Variants in XYLT1 observed in about 807,000 individuals in gnomAD.
XYLT1 encodes the protein xylosyltransferase 1.
In XYLT1, 36 loss-of-function variants were observed where a neutral mutation model predicts 91.3. The ratio of observed to expected loss-of-function variants is 0.39; its 90% confidence interval spans 0.30 to 0.52. The LOEUF (loss-of-function observed/expected upper bound fraction) is 0.52, where lower values mean the gene tolerates loss of function less well. XYLT1 is among the 20% of genes least tolerant of loss of function. The pLI is 0.68. For missense variants in XYLT1, 1,242 were observed against 1,284.5 expected, an observed-to-expected ratio of 0.97 and a Z score of 0.51; for synonymous variants, 588 against 532.0, an observed-to-expected ratio of 1.11 and a Z score of -1.45.
At position 17,460,106 on chromosome 16, in the gene XYLT1, GAC is replaced by G. The variant is rs1256782563; in HGVS notation, c.363+10326_363+10327del. On this transcript the variant is annotated intron_variant, in intron 1 of 11. Transcript: ENST00000261381. ...GCATCATCTGATGAAGTGCCAAAAAGACACAGAGATGAAAGTCACGGTCCGTC... is the reference window on the plus strand; with the variant it reads ...GCATCATCTGATGAAGTGCCAAAAAGACAGAGATGAAAGTCACGGTCCGTC... Among the ~76,000 whole-genome samples, 3 of 152,294 alleles carry G rather than the reference GAC, an allele frequency of 2.0e-5. No individual in the cohort carries two copies. The East Asian group carries it at 5.8e-4, about 29-fold the overall frequency.
chr16:17,347,736 C>T (rs761019852), intron 2 of XYLT1, among the ~76,000 whole-genome samples: 15 of 152,304 alleles, frequency 9.8e-5, no homozygotes, highest in African/African-American at 2.9e-4. Context: ...GCCAGCGAGG[C>T]GGGGGCCCGG....
chr16:17,408,743 G>A (rs941504219), intron 1 of XYLT1, among the ~76,000 whole-genome samples: 11 of 152,210 alleles, frequency 7.2e-5, no homozygotes, highest in Admixed American at 4.6e-4. Flanking sequence ...CTACTCAGGA[G>A]GCTGAGGCAG....
At position 17,341,715 on chromosome 16, in the gene XYLT1, G is replaced by A. The variant is rs115799671; in HGVS notation, c.402+16297C>T. Among the ~76,000 whole-genome samples, 267 of 152,300 alleles carry A rather than the reference G, an allele frequency of 1.8e-3. 1 individual carries two copies. Among genetic ancestry groups the A allele is most frequent in the African/African-American group, 6.3e-3 (260 of 41,566 alleles). ...TATCTCTGAAGAATAGGTATAGGAAGTGATGTGCTTTTGAATCATTTAATT... is the reference window on the plus strand; with the variant it reads ...TATCTCTGAAGAATAGGTATAGGAAATGATGTGCTTTTGAATCATTTAATT... On this transcript the variant is annotated intron_variant, in intron 2 of 11. Coordinates refer to ENST00000261381, the MANE Select transcript of XYLT1 (RefSeq NM_022166.4).
chr16:17,345,708 G>T (rs1245682866), intron 2 of XYLT1, among the ~76,000 whole-genome samples: 1 of 152,222 alleles, frequency 6.6e-6, no homozygotes, highest in African/African-American at 2.4e-5. Context: ...AATACTAAGT[G>T]CTTAGGTGCC....
chr16:17,195,469 T>C (rs957222873), intron 5 of XYLT1, among the ~76,000 whole-genome samples: 1 of 151,922 alleles, frequency 6.6e-6, no homozygotes, highest in African/African-American at 2.4e-5. Flanking sequence ...TTTTTTGAGA[T>C]AGAGTCTTGC....
intron 1 of XYLT1, among the ~76,000 whole-genome samples, chr16:17,402,924 G>A (rs1245312867): frequency 6.6e-6 from 1 of 151,830 alleles, no homozygotes; most frequent in Non-Finnish European, 1.5e-5. Flanking sequence ...ATTTTTTGTA[G>A]AGACAGGGTC....
At chr16:17,391,567 T>C (rs971307043) in intron 1 of XYLT1, among the ~76,000 whole-genome samples, 1 of 152,190 alleles carries the variant, frequency 6.6e-6, no homozygotes, top group Non-Finnish European at 1.5e-5. Flanking sequence ...ACTGGGCAAT[T>C]ACAAACTGTC....
intron 2 of XYLT1, chr16:17,355,212 A>G (rs6498693): frequency 0.49 from 75,560 of 153,280 alleles, 20,834 homozygotes; most frequent in African/African-American, 0.74. Context: ...GTGCTGGCCA[A>G]AGCCACTGGT....
intron 1 of XYLT1, among the ~76,000 whole-genome samples, chr16:17,380,394 T>C (rs1398496650): frequency 2.0e-5 from 3 of 152,154 alleles, no homozygotes; most frequent in Admixed American, 1.3e-4. Context: ...TGCAAAGTGG[T>C]TGTATATCCC....
chr16:17,300,619 GC>G (rs2034381813), intron 2 of XYLT1, among the ~76,000 whole-genome samples: 1 of 151,494 alleles, frequency 6.6e-6, no homozygotes, highest in African/African-American at 2.4e-5. Flanking sequence ...ACCATACCTG[GC>G]TAATTTTCAT....
chr16:17,418,854 T>A (rs1036106224), intron 1 of XYLT1, among the ~76,000 whole-genome samples: 6 of 149,690 alleles, frequency 4.0e-5, no homozygotes, highest in East Asian at 2.0e-4. Context: ...TCTCAAAAAA[T>A]AAATAAATAA....
intron 10 of XYLT1, 38 bp downstream of exon 10, chr16:17,127,628 C>T: frequency 6.3e-7 from 1 of 1,593,358 alleles, no homozygotes; most frequent in South Asian, 1.1e-5. Context: ...GAGGGAAATG[C>T]AAAATACAAT....
At chr16:17,167,055 G>A (rs559209542) in intron 5 of XYLT1, among the ~76,000 whole-genome samples, 40 of 152,340 alleles carry the variant, frequency 2.6e-4, no homozygotes, top group African/African-American at 8.9e-4. Context: ...ACTCATTTGC[G>A]GATGAATAAA....
intron 1 of XYLT1, among the ~76,000 whole-genome samples, chr16:17,457,681 C>T (rs1377174334): frequency 6.6e-6 from 1 of 152,206 alleles, no homozygotes; most frequent in Non-Finnish European, 1.5e-5. Flanking sequence ...ACAACAGAAT[C>T]ATCTGCAATA....
At chr16:17,356,655 A>T (rs2035298853) in intron 2 of XYLT1, among the ~76,000 whole-genome samples, 1 of 152,116 alleles carries the variant, frequency 6.6e-6, no homozygotes, top group Non-Finnish European at 1.5e-5. Flanking sequence ...TCCACCCCAG[A>T]AACCCTTGAA....
At chr16:17,436,183 C>T (rs1283523799) in intron 1 of XYLT1, among the ~76,000 whole-genome samples, 1 of 152,188 alleles carries the variant, frequency 6.6e-6, no homozygotes, top group Non-Finnish European at 1.5e-5. Flanking sequence ...CCTCCCCAGC[C>T]ATGTTAGAAC....
chr16:17,373,535 C>T (rs1252695647), intron 1 of XYLT1, among the ~76,000 whole-genome samples: 8 of 152,208 alleles, frequency 5.3e-5, no homozygotes, highest in East Asian at 1.9e-4. Flanking sequence ...AGCCAGCTGG[C>T]GGAATTTCTC....
intron 1 of XYLT1, among the ~76,000 whole-genome samples, chr16:17,468,816 G>C (rs1462275557): frequency 6.6e-6 from 1 of 151,990 alleles, no homozygotes; most frequent in Non-Finnish European, 1.5e-5. Context: ...TCCCCTACAC[G>C]TTCTTACACT....
intron 5 of XYLT1, among the ~76,000 whole-genome samples, chr16:17,181,922 C>G (rs2032079508): frequency 6.6e-6 from 1 of 152,090 alleles, no homozygotes; most frequent in Non-Finnish European, 1.5e-5. Flanking sequence ...TCAGTATGAC[C>G]AAGCATCCTG....
Sources: gnomAD v4.1 joint callset for allele counts (sites outside exome capture counted in the v4.1 genomes callset) on GRCh38, gnomAD v4.1.1 for gene constraint, MANE v1.5 for transcripts, NCBI Gene and HGNC (gene_info 2026-07-23, HGNC 2026-07-21) for gene names.